Variants in ACOT7 observed in about 807,000 individuals in gnomAD.
The protein encoded by ACOT7 is cytosolic acyl coenzyme A thioester hydrolase.
A neutral mutation model predicts 40.2 loss-of-function variants in ACOT7; 12 were observed. The observed-to-expected ratio is 0.30, with a 90% confidence interval of 0.19 to 0.48. The LOEUF is 0.48. Among genes scored for constraint, ACOT7 ranks in the 20% least tolerant of loss-of-function variants. The pLI, the probability that ACOT7 is intolerant of heterozygous loss-of-function variation, is 0.99. For synonymous variants in ACOT7, 228 were observed against 219.5 expected (o/e 1.04, Z -0.34); for missense variants, 395 against 530.8 (o/e 0.74, Z 2.51).
At chr1:6,308,820 C>CGACTGGGTGGAGGGAAAAGT (rs1640248726) in intron 6 of ACOT7, among the ~76,000 whole-genome samples, 1 of 152,018 alleles carries the variant, frequency 6.6e-6, no homozygotes, top group Admixed American at 6.5e-5. Flanking sequence ...GAGGGAAAAG[C>CGACTGGGTGGAGGGAAAAGT]GACTGGGCGG....
intron 6 of ACOT7, among the ~76,000 whole-genome samples, chr1:6,305,066 C>CG (rs1240646381): frequency 7.7e-6 from 1 of 130,446 alleles, no homozygotes; most frequent in African/African-American, 2.9e-5. Context: ...GCTGGCCGGG[C>CG]GGGGGGCTGA....
intron 7 of ACOT7, among the ~76,000 whole-genome samples, chr1:6,285,182 T>TG (rs1428580110): frequency 6.6e-6 from 1 of 152,162 alleles, no homozygotes; most frequent in Non-Finnish European, 1.5e-5. Context: ...GGCTGGGGTG[T>TG]GGGTCACATG....
rs766797023 is a variant in ACOT7, at chr1:6,264,569, C to G, written c.*28G>C. ...CACTGGGCCCGTTGCCATGGCTACT[C>G]GAGGCACCAGTGGCAGGAGGAGGGA... On this transcript the variant is annotated 3_prime_UTR_variant, in exon 9 of 9. Transcript: ENST00000361521. 8 of 1,600,116 alleles carry G rather than the reference C, an allele frequency of 5.0e-6. No homozygotes were observed. Among genetic ancestry groups the G allele is most frequent in the Non-Finnish European group, 6.8e-6 (8 of 1,172,670 alleles).
chr1:6,378,658 C>T (rs1642280573), intron 1 of ACOT7, among the ~76,000 whole-genome samples: 1 of 151,888 alleles, frequency 6.6e-6, no homozygotes, highest in Admixed American at 6.5e-5. Context: ...CTGGTAAGGT[C>T]TCCTGTGGGG....
At position 6,369,938 on chromosome 1, in the gene ACOT7, G is replaced by C. The variant is rs60841739; in HGVS notation, c.144-20072C>G. ...CCATAGGTTGCAGAATGGATGTTGA[G>C]TTAATAGGTGCTATTATCCACTATG... On this transcript the variant is annotated intron_variant, in intron 1 of 8. Transcript: ENST00000361521. Among the ~76,000 whole-genome samples the C allele has an allele frequency of 9.4e-3, 1,437 of 152,308 alleles. 20 individuals are homozygous for C. The highest frequency in any genetic ancestry group is 0.031 in the African/African-American group (1,299 of 41,570).
chr1:6,385,856 C>G lies in ACOT7; in HGVS notation c.143+7401G>C, dbSNP rs978702663. 4.9e-4 allele frequency: 681 copies of G among 1,401,408 alleles called. 10 individuals carry two copies. Among genetic ancestry groups the G allele is most frequent in the Middle Eastern group, 2.1e-3 (8 of 3,836 alleles). The allele number at this position is 1,401,408 out of a possible 1,614,324, so 86.8% of individuals were successfully genotyped here. ...CCCGGCAAGCCGCCTCCTCGGCTTC[C>G]GGAACTGGATCACAGGATGTTCTCT... On this transcript the variant is annotated intron_variant, in intron 1 of 8. Coordinates refer to ENST00000361521, the MANE Select transcript of ACOT7 (RefSeq NM_007274.4).
At chr1:6,322,834 C>T (rs148464953) in intron 5 of ACOT7, among the ~76,000 whole-genome samples, 5 of 152,272 alleles carry the variant, frequency 3.3e-5, no homozygotes, top group South Asian at 2.1e-4. Flanking sequence ...ATCAAAGCCT[C>T]GGAAATGACA....
intron 1 of ACOT7, among the ~76,000 whole-genome samples, chr1:6,379,321 C>T (rs1255359721): frequency 6.6e-6 from 1 of 151,970 alleles, no homozygotes; most frequent in African/African-American, 2.4e-5. Context: ...AAGCAAGTAG[C>T]TCCACCTCTA....
chr1:6,275,365 C>G lies in ACOT7; in HGVS notation c.1014+5737G>C, dbSNP rs1571260521. Among the ~76,000 whole-genome samples the G allele has an allele frequency of 6.6e-6, 1 of 152,182 alleles. No homozygotes were observed. Among genetic ancestry groups the G allele is most frequent in the Non-Finnish European group, 1.5e-5 (1 of 68,036 alleles). Reference sequence around the variant, plus strand: ...GCACGTCAGAGCGGACAAAGCTCAACAGGGTGCGTTTTCCCTGAGTTCTTG... The same window carrying G: ...GCACGTCAGAGCGGACAAAGCTCAAGAGGGTGCGTTTTCCCTGAGTTCTTG... On this transcript the variant is annotated intron_variant, in intron 8 of 8. Transcript: ENST00000361521. This position sits in a 1 kb window ranked among gnomAD's most constrained non-coding sequence, Gnocchi z 5.6.
intron 7 of ACOT7, among the ~76,000 whole-genome samples, chr1:6,287,682 G>T (rs1027950793): frequency 6.6e-6 from 1 of 152,206 alleles, no homozygotes; most frequent in Non-Finnish European, 1.5e-5. Context: ...GTCTCTCCAG[G>T]GGCGGCAGCA....
chr1:6,333,486 AG>A lies in ACOT7; in HGVS notation c.500del (p.Pro167LeufsTer54). On this transcript the variant is annotated frameshift_variant, in exon 4 of 9. Transcript: ENST00000361521. LOFTEE classifies it high-confidence loss of function. ...AGAAAGGGCACCTTACCACAACAGG[AG>A]GCACCTCGAGGACCTTGTCCACATT... ...LKNVDKVLEV[P>X]PVVYSRQEQE... 6.2e-7 allele frequency: 1 copy of A among 1,614,196 alleles called. No homozygotes were observed. The highest frequency in any genetic ancestry group is 2.2e-5 in the East Asian group (1 of 44,882).
At chr1:6,350,187 G>A (rs2148455929) in intron 1 of ACOT7, among the ~76,000 whole-genome samples, 1 of 152,328 alleles carries the variant, frequency 6.6e-6, no homozygotes, top group South Asian at 2.1e-4. Context: ...CAAAGCCACA[G>A]GGCAGGGAGG....
intron 3 of ACOT7, among the ~76,000 whole-genome samples, chr1:6,336,595 C>T (rs1265934823): frequency 6.6e-6 from 1 of 152,130 alleles, no homozygotes; most frequent in Non-Finnish European, 1.5e-5. Context: ...GGAGACAGCA[C>T]ACAGATGTCA....
rs895966158 is a variant in ACOT7, at chr1:6,274,598, T to C, written c.1014+6504A>G. Among the ~76,000 whole-genome samples, 3 of 152,200 alleles carry C rather than the reference T, an allele frequency of 2.0e-5. No homozygotes were observed. Among genetic ancestry groups the C allele is most frequent in the Admixed American group, 6.5e-5 (1 of 15,280 alleles). ...AGCAGAAGCGAGGTGGGCACCATGT[T>C]CCAGAGCCTTCTGAAAGTTGTGTGG... On this transcript the variant is annotated intron_variant, in intron 8 of 8. Coordinates refer to ENST00000361521, the MANE Select transcript of ACOT7 (RefSeq NM_007274.4). This position sits in a 1 kb window ranked among gnomAD's most constrained non-coding sequence, Gnocchi z 5.9.
At chr1:6,284,597 A>G (rs891540585) in intron 7 of ACOT7, among the ~76,000 whole-genome samples, 2 of 151,594 alleles carry the variant, frequency 1.3e-5, no homozygotes, top group Non-Finnish European at 2.9e-5. Context: ...AAAAAAAAAA[A>G]AAGAATTCCA....
chr1:6,376,032 A>C (rs1571352422), intron 1 of ACOT7, among the ~76,000 whole-genome samples: 1 of 152,136 alleles, frequency 6.6e-6, no homozygotes, highest in Non-Finnish European at 1.5e-5. Flanking sequence ...AGGCAGGCGG[A>C]TCACTTGAGT....
intron 4 of ACOT7, among the ~76,000 whole-genome samples, chr1:6,332,752 C>T (rs1340441643): frequency 1.3e-5 from 2 of 151,652 alleles, no homozygotes; most frequent in Non-Finnish European, 2.9e-5. Flanking sequence ...ACGTGGGAGG[C>T]GGAGCTTGCA....
intron 1 of ACOT7, among the ~76,000 whole-genome samples, chr1:6,366,201 G>A (rs144363214): frequency 1.3e-5 from 2 of 152,130 alleles, no homozygotes; most frequent in East Asian, 1.9e-4. Flanking sequence ...TTAGGATGGC[G>A]ACTGCTGAAG....
rs1381792249 is a variant in ACOT7, at chr1:6,393,632, G to A, written c.-233C>T. ...GGTTCGGTGGCGGTTGGGCCGCGCCGGTGCGGGGAAGGCCCGCTAGCCGCG... is the reference window on the plus strand; with the variant it reads ...GGTTCGGTGGCGGTTGGGCCGCGCCAGTGCGGGGAAGGCCCGCTAGCCGCG... On this transcript the variant is annotated 5_prime_UTR_variant, in exon 1 of 9. Coordinates refer to ENST00000361521, the MANE Select transcript of ACOT7 (RefSeq NM_007274.4). 1.9e-5 allele frequency: 6 copies of A among 310,328 alleles called. No homozygotes were observed. Among genetic ancestry groups the A allele is most frequent in the African/African-American group, 1.1e-4 (5 of 45,430 alleles). 19.2% of individuals were successfully genotyped at this position (310,328 alleles called of 1,614,324 possible).
Sources: allele counts gnomAD v4.1 joint callset (sites outside exome capture counted in the v4.1 genomes callset), GRCh38; gene constraint gnomAD v4.1.1; non-coding constraint Gnocchi (gnomAD v3.1); transcripts MANE v1.5; gene names NCBI Gene and HGNC (gene_info 2026-07-23, HGNC 2026-07-21).